Variants in NRG3 observed in about 807,000 individuals in gnomAD.
NRG3 encodes neuregulin 3.
NRG3 carries 31 observed loss-of-function variants against 66.9 expected under a neutral mutation model. The ratio of observed to expected loss-of-function variants is 0.46; its 90% CI spans 0.35 to 0.63. The LOEUF is 0.63. Among genes scored for constraint, NRG3 ranks in the 20% least tolerant of loss-of-function variants. The probability of loss-of-function intolerance (pLI) is 0.00; values close to 1 mark genes in which losing one functional copy is unlikely to be tolerated. For missense variants in NRG3, 910 were observed against 878.9 expected (o/e 1.04, Z -0.45); for synonymous variants, 393 against 359.4 (o/e 1.09, Z -1.06).
intron 1 of NRG3, among the ~76,000 whole-genome samples, chr10:82,319,398 A>AT (rs1478133563): frequency 3.3e-5 from 5 of 152,236 alleles, no homozygotes; most frequent in African/African-American, 1.2e-4. Context: ...TGTATGCATA[A>AT]TTTAACTTTC....
chr10:82,464,176 A>G (rs781533170), intron 2 of NRG3, among the ~76,000 whole-genome samples: 1 of 152,138 alleles, frequency 6.6e-6, no homozygotes, highest in Non-Finnish European at 1.5e-5. Flanking sequence ...TTAAATAATC[A>G]GACTGTAGAC....
intron 2 of NRG3, among the ~76,000 whole-genome samples, chr10:82,514,573 G>T (rs539565522): frequency 1.6e-4 from 24 of 151,778 alleles, no homozygotes; most frequent in African/African-American, 4.6e-4. Context: ...TACTATGCTG[G>T]TTTTTTTTGT....
chr10:82,984,049 G>A (rs1853195025), intron 8 of NRG3, among the ~76,000 whole-genome samples: 4 of 152,322 alleles, frequency 2.6e-5, no homozygotes, highest in South Asian at 2.1e-4. Flanking sequence ...AATGGCAGTC[G>A]AGGAAAGGAG....
intron 3 of NRG3, among the ~76,000 whole-genome samples, chr10:82,776,073 TA>T (rs1378044165): frequency 1.3e-5 from 2 of 152,230 alleles, no homozygotes; most frequent in African/African-American, 4.8e-5. Context: ...ATAATCCTTT[TA>T]TTTCCAATTG....
chr10:82,036,336 C>G (rs1478054180), intron 1 of NRG3, among the ~76,000 whole-genome samples: 2 of 152,118 alleles, frequency 1.3e-5, no homozygotes, highest in African/African-American at 4.8e-5. Context: ...AGTCCTAGTT[C>G]TAGGCCAAGT....
At chr10:82,129,103 G>C (rs1231964631) in intron 1 of NRG3, among the ~76,000 whole-genome samples, 1 of 151,870 alleles carries the variant, frequency 6.6e-6, no homozygotes, top group Non-Finnish European at 1.5e-5. Flanking sequence ...AGGAGAGACG[G>C]GGTTTCACCA....
intron 2 of NRG3, among the ~76,000 whole-genome samples, chr10:82,604,077 G>A (rs527317424): frequency 3.9e-5 from 6 of 152,180 alleles, no homozygotes; most frequent in Admixed American, 3.3e-4. Context: ...CATAGTTTAT[G>A]TTAAAGTTAA....
intron 2 of NRG3, among the ~76,000 whole-genome samples, chr10:82,471,231 C>A (rs182329655): frequency 1.3e-5 from 2 of 152,282 alleles, no homozygotes; most frequent in Admixed American, 1.3e-4. Context: ...TCCTACCTCA[C>A]AGATTGAAAC....
Position 82,416,406 on chromosome 10 carries a change from GTA to G in NRG3, c.953+57541_953+57542del, listed in dbSNP as rs1343818502. On this transcript the variant is annotated intron_variant, in intron 2 of 8. Coordinates refer to ENST00000372141, the MANE Select transcript of NRG3 (RefSeq NM_001010848.4). Reference sequence around the variant, plus strand: ...GTGACCAAGAAATTACAGTCCATTTGTATAGAGTGCCAAGCTCTGAAGGCTGG... The same window carrying G: ...GTGACCAAGAAATTACAGTCCATTTGTAGAGTGCCAAGCTCTGAAGGCTGG... 3.3e-5 allele frequency among the ~76,000 whole-genome samples: 5 copies of G among 152,154 alleles called. No individual in the cohort carries two copies. The East Asian group carries it at 9.7e-4, about 29-fold the overall frequency.
intron 1 of NRG3, among the ~76,000 whole-genome samples, chr10:82,004,966 G>A (rs2061328365): frequency 6.6e-6 from 1 of 152,208 alleles, no homozygotes; most frequent in Admixed American, 6.5e-5. Context: ...GGCAGCCCTA[G>A]CAAATGAGTA....
At chr10:82,154,748 C>A (rs2132847371) in intron 1 of NRG3, among the ~76,000 whole-genome samples, 1 of 151,572 alleles carries the variant, frequency 6.6e-6, no homozygotes, top group South Asian at 2.1e-4. Flanking sequence ...TTTATTTTAT[C>A]AATTTTTTTT....
intron 1 of NRG3, among the ~76,000 whole-genome samples, chr10:82,153,382 T>C (rs1327737894): frequency 6.6e-6 from 1 of 151,066 alleles, no homozygotes; most frequent in African/African-American, 2.4e-5. Flanking sequence ...ACAGAATTTC[T>C]TTTTTGTGTA....
intron 3 of NRG3, among the ~76,000 whole-genome samples, chr10:82,851,981 G>A (rs1414153952): frequency 6.6e-6 from 1 of 151,656 alleles, no homozygotes; most frequent in Admixed American, 6.6e-5. Flanking sequence ...GGAAAGATAT[G>A]CATTCCAACA....
At chr10:82,865,977 A>G (rs1191091452) in intron 4 of NRG3, among the ~76,000 whole-genome samples, 1 of 152,136 alleles carries the variant, frequency 6.6e-6, no homozygotes, top group African/African-American at 2.4e-5. Context: ...CCTTTAAAGT[A>G]TTTGCAGTGA....
At chr10:82,239,362 G>A (rs2076905881) in intron 1 of NRG3, among the ~76,000 whole-genome samples, 1 of 152,066 alleles carries the variant, frequency 6.6e-6, no homozygotes. Flanking sequence ...CGCCATGTTG[G>A]CCAGGCTGGT....
intron 1 of NRG3, among the ~76,000 whole-genome samples, chr10:82,264,184 G>A (rs1042305971): frequency 6.6e-6 from 1 of 152,182 alleles, no homozygotes; most frequent in Non-Finnish European, 1.5e-5. Flanking sequence ...TGCTAATAAA[G>A]ACATACCTGA....
chr10:82,267,672 A>G (rs1473194057), intron 1 of NRG3, among the ~76,000 whole-genome samples: 7 of 152,198 alleles, frequency 4.6e-5, no homozygotes, highest in South Asian at 2.1e-4. Flanking sequence ...CGGCATTTCA[A>G]TCTTTACCAC....
intron 1 of NRG3, among the ~76,000 whole-genome samples, chr10:82,093,677 A>T (rs1412186728): frequency 2.0e-5 from 3 of 152,188 alleles, no homozygotes; most frequent in African/African-American, 7.2e-5. Flanking sequence ...TGAATTTCTA[A>T]TCATGTAGGC....
At chr10:82,362,548 G>GTTTTTCTTTTT (rs2084239303) in intron 2 of NRG3, among the ~76,000 whole-genome samples, 1 of 83,186 alleles carries the variant, frequency 1.2e-5, no homozygotes, top group Non-Finnish European at 2.2e-5. Flanking sequence ...TAATTTCTGG[G>GTTTTTCTTTTT]TTTTTTTTTT....
Sources: gnomAD v4.1 joint callset for allele counts (sites outside exome capture counted in the v4.1 genomes callset) on GRCh38, gnomAD v4.1.1 for gene constraint, MANE v1.5 for transcripts, NCBI Gene and HGNC (gene_info 2026-07-23, HGNC 2026-07-21) for gene names.